IPO11: variants seen among roughly 807,000 people sequenced by gnomAD.
IPO11 encodes importin 11.
In IPO11, 66 loss-of-function variants were observed where a neutral mutation model predicts 143.2. That is an observed-to-expected ratio of 0.46 (90% CI 0.38 to 0.57). IPO11 has a LOEUF of 0.57. Among genes scored for constraint, IPO11 ranks in the 20% least tolerant of loss-of-function variants. The pLI, the probability that IPO11 is intolerant of heterozygous loss-of-function variation, is 0.00. For missense variants in IPO11, 1,026 were observed against 1,141.0 expected (o/e 0.90, Z 1.45); for synonymous variants, 385 against 377.8 (o/e 1.02, Z -0.22).
rs1742517164 is a variant in IPO11, at chr5:62,530,800, A to T, written c.2089+15A>T. 6.3e-7 allele frequency: 1 copy of T among 1,580,434 alleles called. No homozygotes were observed. Among genetic ancestry groups the T allele is most frequent in the East Asian group, 2.2e-5 (1 of 44,628 alleles). ...ACCACTTCTTGGTATGTGTTAAAGC[A>T]TAAACTTACTAATGTTTTTGAATGC... On this transcript the variant is annotated intron_variant, in intron 22 of 29. Transcript: ENST00000325324.
intron 1 of IPO11, among the ~76,000 whole-genome samples, chr5:62,428,501 A>T (rs1267882849): frequency 6.6e-6 from 1 of 151,430 alleles, no homozygotes; most frequent in Non-Finnish European, 1.5e-5. Flanking sequence ...ACGCCACTAC[A>T]CCTGGCTAAT....
intron 26 of IPO11, among the ~76,000 whole-genome samples, chr5:62,552,587 C>T (rs1743426328): frequency 6.6e-6 from 1 of 150,948 alleles, no homozygotes; most frequent in Non-Finnish European, 1.5e-5. Context: ...GCTGAGATTA[C>T]AGGATAACTA....
At position 62,451,714 on chromosome 5, in the gene IPO11, A is replaced by G. The variant is rs777953266; in HGVS notation, c.313-16A>G. The G allele has an allele frequency of 1.9e-6, 3 of 1,607,102 alleles. No homozygotes were observed. Among genetic ancestry groups the G allele is most frequent in the African/African-American group, 1.3e-5 (1 of 74,850 alleles). Reference sequence around the variant, plus strand: ...TCTATTGCCTTGATTCCATTTGTTTAATTTTTTCCTTTCAGATTGCAACTC... The same window carrying G: ...TCTATTGCCTTGATTCCATTTGTTTGATTTTTTCCTTTCAGATTGCAACTC... On this transcript the variant is annotated splice_polypyrimidine_tract_variant and intron_variant, in intron 4 of 29. Coordinates refer to ENST00000325324, the MANE Select transcript of IPO11 (RefSeq NM_016338.5).
intron 26 of IPO11, 140 bp from the exon 27 acceptor site, chr5:62,560,996 C>A: frequency 1.5e-6 from 1 of 655,868 alleles, no homozygotes. Flanking sequence ...ATGACTTAAC[C>A]CCAGTTCAGG....
At chr5:62,610,493 G>A (rs531642094) in intron 29 of IPO11, among the ~76,000 whole-genome samples, 4 of 152,040 alleles carry the variant, frequency 2.6e-5, no homozygotes, top group Non-Finnish European at 4.4e-5. Context: ...TGTCACTTAC[G>A]TGTTGGTTAT....
intron 27 of IPO11, among the ~76,000 whole-genome samples, chr5:62,590,647 A>G (rs976908173): frequency 2.6e-5 from 4 of 152,172 alleles, no homozygotes; most frequent in South Asian, 2.1e-4. Context: ...AACTATTTTG[A>G]AAAGTTAATT....
Position 62,453,396 on chromosome 5 carries a change from G to T in IPO11, c.516+1463G>T, listed in dbSNP as rs75421342. ...TAGCCTAGTCCTATAATGTGGAAAG[G>T]AGTCAGTGAAGAATATGAAGCATGT... On this transcript the variant is annotated intron_variant, in intron 5 of 29. Coordinates refer to ENST00000325324, the MANE Select transcript of IPO11 (RefSeq NM_016338.5). Among the ~76,000 whole-genome samples, 1,272 of 151,286 alleles carry T rather than the reference G, an allele frequency of 8.4e-3. 101 individuals carry two copies. Among genetic ancestry groups the T allele is most frequent in the African/African-American group, 0.03 (1,208 of 40,550 alleles).
Position 62,627,873 on chromosome 5 carries a change from T to C in IPO11, c.*555T>C, listed in dbSNP as rs1397939351. The C allele has an allele frequency of 6.6e-6, 1 of 152,422 alleles. No individual in the cohort carries two copies. The highest frequency in any genetic ancestry group is 1.5e-5 in the Non-Finnish European group (1 of 68,008). 9.4% of individuals were successfully genotyped at this position (152,422 alleles called of 1,614,324 possible). On this transcript the variant is annotated 3_prime_UTR_variant, in exon 30 of 30. Coordinates refer to ENST00000325324, the MANE Select transcript of IPO11 (RefSeq NM_016338.5). ...AGTTATTTTCATCTAACATAGAAAG[T>C]GTGTTTTATCAGACAAATGCTTTTA... is the stretch of plus-strand genomic sequence containing the variant.
At chr5:62,622,617 G>C (rs1746416369) in intron 29 of IPO11, among the ~76,000 whole-genome samples, 1 of 152,064 alleles carries the variant, frequency 6.6e-6, no homozygotes, top group African/African-American at 2.4e-5. Context: ...TTGTCTAATT[G>C]CTTGAGTTGT....
chr5:62,602,940 G>T (rs753531746), intron 29 of IPO11, among the ~76,000 whole-genome samples: 10 of 152,088 alleles, frequency 6.6e-5, no homozygotes, highest in South Asian at 4.2e-4. Context: ...ATATTTCCAG[G>T]GTCTTCGAAC....
At chr5:62,436,115 G>A (rs368511871) in intron 1 of IPO11, among the ~76,000 whole-genome samples, 3 of 152,116 alleles carry the variant, frequency 2.0e-5, no homozygotes, top group Admixed American at 1.3e-4. Context: ...TTTTAAGATG[G>A]TACAATGAAA....
intron 29 of IPO11, among the ~76,000 whole-genome samples, chr5:62,609,823 G>A (rs1296208770): frequency 6.6e-6 from 1 of 152,250 alleles, no homozygotes; most frequent in Non-Finnish European, 1.5e-5. Context: ...CTAATGTCCA[G>A]CAGGTGACTG....
intron 3 of IPO11, among the ~76,000 whole-genome samples, chr5:62,445,189 C>T (rs1015337863): frequency 1.3e-5 from 2 of 151,984 alleles, no homozygotes; most frequent in African/African-American, 2.4e-5. Flanking sequence ...ATGCTTGTTT[C>T]TGTACTTATC....
intron 22 of IPO11, among the ~76,000 whole-genome samples, chr5:62,534,447 A>G (rs751554381): frequency 2.6e-5 from 4 of 152,198 alleles, no homozygotes; most frequent in Admixed American, 2.6e-4. Flanking sequence ...AAAGGAATAT[A>G]TATGTAAAAT....
chr5:62,528,720 G>A (rs1470183400), intron 21 of IPO11, among the ~76,000 whole-genome samples: 5 of 152,148 alleles, frequency 3.3e-5, no homozygotes, highest in African/African-American at 7.2e-5. Context: ...ATGAAGCATC[G>A]TCTTTAGTGG....
At position 62,622,977 on chromosome 5, in the gene IPO11, G is replaced by A. The variant is rs77178340; in HGVS notation, c.2764-4177G>A. 6.1e-3 allele frequency among the ~76,000 whole-genome samples: 925 copies of A among 152,306 alleles called. 5 individuals are homozygous for A. The highest frequency in any genetic ancestry group is 0.01 in the Admixed American group (158 of 15,306). ...TGGGTATAGTTTGATGATTGAGCTT[G>A]TATTGCTGCGCCCTGTTGATTAAGT... On this transcript the variant is annotated intron_variant, in intron 29 of 29. Transcript: ENST00000325324.
At chr5:62,422,280 C>G (rs1276704753) in intron 1 of IPO11, among the ~76,000 whole-genome samples, 1 of 152,116 alleles carries the variant, frequency 6.6e-6, no homozygotes, top group African/African-American at 2.4e-5. Context: ...GTGCCCACCA[C>G]CATGCTCAGC....
intron 16 of IPO11, among the ~76,000 whole-genome samples, chr5:62,496,057 A>G (rs1005059973): frequency 1.1e-4 from 16 of 152,156 alleles, no homozygotes; most frequent in African/African-American, 3.9e-4. Context: ...TGGGAGGCCA[A>G]GGTGGGCTGA....
intron 20 of IPO11, among the ~76,000 whole-genome samples, chr5:62,522,429 C>A (rs1742233627): frequency 6.6e-6 from 1 of 152,166 alleles, no homozygotes; most frequent in Non-Finnish European, 1.5e-5. Context: ...GGACTACAGG[C>A]ATGCACCAAC....
Sources: allele counts gnomAD v4.1 joint callset (sites outside exome capture counted in the v4.1 genomes callset), GRCh38; gene constraint gnomAD v4.1.1; transcripts MANE v1.5; gene names NCBI Gene and HGNC (gene_info 2026-07-23, HGNC 2026-07-21).